The following SLC16A4 variants were observed in gnomAD, a reference collection of about 807,000 sequenced individuals.
SLC16A4 encodes probable monocarboxylate transporter 5.
A neutral mutation model predicts 47.9 loss-of-function variants in SLC16A4; 39 were observed. The observed-to-expected ratio is 0.81, with a 90% CI of 0.63 to 1.06. SLC16A4 has a LOEUF of 1.06. SLC16A4 is among the 50% of genes least tolerant of loss of function. SLC16A4 has a pLI of 0.00. For synonymous variants in SLC16A4, 189 were observed against 199.9 expected, an observed-to-expected ratio of 0.95 and a Z score of 0.46; for missense variants, 524 against 573.8, an observed-to-expected ratio of 0.91 and a Z score of 0.89.
intron 8 of SLC16A4, among the ~76,000 whole-genome samples, chr1:110,367,794 T>TG (rs1247125101): frequency 6.6e-6 from 1 of 152,120 alleles, no homozygotes; most frequent in Non-Finnish European, 1.5e-5. Flanking sequence ...TCTGTTCAGA[T>TG]GCACTTCGGA....
intron 4 of SLC16A4, 77 bp from the exon 5 acceptor site, chr1:110,381,220 C>T: frequency 7.2e-7 from 1 of 1,384,920 alleles, no homozygotes; most frequent in South Asian, 1.2e-5. Flanking sequence ...TCTCCTGGAT[C>T]CGAGATAATA....
intron 6 of SLC16A4, among the ~76,000 whole-genome samples, chr1:110,377,557 T>C (rs1662075781): frequency 6.6e-6 from 1 of 152,208 alleles, no homozygotes; most frequent in Admixed American, 6.5e-5. Flanking sequence ...GGTCAGTGTC[T>C]TGGGGAAGTC....
In SLC16A4 at chr1:110,376,981, C is replaced by A; in HGVS notation, c.1211G>T (p.Gly404Val). 6.2e-7 allele frequency: 1 copy of A among 1,613,990 alleles called. No homozygotes were observed. Among genetic ancestry groups the A allele is most frequent in the Non-Finnish European group, 8.5e-7 (1 of 1,179,946 alleles). The change falls in exon 7 of 9, where the codon GGT (glycine) becomes GTT (valine). Residue 404 changes from glycine to valine, a missense_variant. By Grantham distance (109) the Gly-to-Val change is moderately radical. Transcript: ENST00000369779. ...AGGCAGTATCAATGCCAGGTAACCA[C>A]CAGCAAAGATGGCAAAGCAGATGGT... ...TYTICFAIFA[G>V]GYLALILPVL... is the part of the protein sequence containing the mutation.
In SLC16A4 at chr1:110,389,237, C is replaced by A. The variant is rs1662895348; in HGVS notation, c.87G>T (p.Leu29=). 5.0e-6 allele frequency: 8 copies of A among 1,613,054 alleles called. No individual in the cohort carries two copies. Among genetic ancestry groups the A allele is most frequent in the Non-Finnish European group, 6.8e-6 (8 of 1,179,064 alleles). The change falls in exon 2 of 9, where the codon CTG becomes CTT. Residue 29 remains leucine (L), a splice_region_variant and synonymous_variant. Transcript: ENST00000369779. ...WGWMIVIHFF[L]VNVFVMGMTK... ...AAGGGGGAAAAAAGTGAATTCTTACCAGGAAAAAATGAATCACAATCATCC... is the reference window on the plus strand; with the variant it reads ...AAGGGGGAAAAAAGTGAATTCTTACAAGGAAAAAATGAATCACAATCATCC...
chr1:110,380,668 A>G (rs1662327485), intron 5 of SLC16A4, among the ~76,000 whole-genome samples: 1 of 151,982 alleles, frequency 6.6e-6, no homozygotes, highest in Non-Finnish European at 1.5e-5. Context: ...TTATTTCCCC[A>G]GAAGTATCGC....
At chr1:110,370,598 C>T (rs1374451653) in intron 8 of SLC16A4, 2 of 152,096 alleles carry the variant, frequency 1.3e-5, no homozygotes, top group Admixed American at 6.6e-5. Flanking sequence ...CCATAAAACA[C>T]AAATAGACTT....
rs1035126505 is a variant in SLC16A4 at position 110,363,700 on chromosome 1, G to T, written c.*66C>A. 9.6e-6 allele frequency: 13 copies of T among 1,348,166 alleles called. No individual in the cohort carries two copies. The highest frequency in any genetic ancestry group is 4.9e-5 in the South Asian group (3 of 61,120). 83.5% of individuals were successfully genotyped at this position (1,348,166 alleles called of 1,614,324 possible). A position where few individuals can be genotyped will look rare whatever the true frequency, so the allele number is the denominator to read the frequency against. ...TGCGATGTGTTTCTTTCAAGCTTTTGTTTCCAATGACATTAGTTTAGGTTT... is the reference window on the plus strand; with the variant it reads ...TGCGATGTGTTTCTTTCAAGCTTTTTTTTCCAATGACATTAGTTTAGGTTT... On this transcript the variant is annotated 3_prime_UTR_variant, in exon 9 of 9. Coordinates refer to ENST00000369779, the MANE Select transcript of SLC16A4 (RefSeq NM_004696.3).
intron 2 of SLC16A4, among the ~76,000 whole-genome samples, chr1:110,387,627 T>C (rs17025729): frequency 0.12 from 18,298 of 152,150 alleles, 1,567 homozygotes; most frequent in African/African-American, 0.23. Context: ...AGCAACTAAA[T>C]TGATCAAAAA....
At chr1:110,387,523 G>T (rs1204875024) in intron 2 of SLC16A4, among the ~76,000 whole-genome samples, 3 of 152,182 alleles carry the variant, frequency 2.0e-5, no homozygotes, top group African/African-American at 7.2e-5. Context: ...AACATTTTGA[G>T]GATCCAGTGC....
rs144211505 is a variant in SLC16A4 at position 110,382,879 on chromosome 1, T to A, written c.175A>T (p.Ile59Phe). 140 of 1,612,204 alleles carry A rather than the reference T, an allele frequency of 8.7e-5. No homozygotes were observed. Among genetic ancestry groups the A allele is most frequent in the Non-Finnish European group, 1.1e-4 (134 of 1,178,862 alleles). ...GACATGATGGATCCAATCCAACCAATTTGCTCTGAGGTGCCTTCAAACTCT... is the reference window on the plus strand; with the variant it reads ...GACATGATGGATCCAATCCAACCAAATTGCTCTGAGGTGCCTTCAAACTCT... ...QEEFEGTSEQ[I>F]GWIGSIMSSL... The change falls in exon 3 of 9, where the codon ATT (isoleucine) becomes TTT (phenylalanine). Residue 59 changes from isoleucine (I) to phenylalanine (F), a missense_variant. Transcript: ENST00000369779.
chr1:110,385,357 A>G (rs912956256), intron 2 of SLC16A4, among the ~76,000 whole-genome samples: 5 of 152,216 alleles, frequency 3.3e-5, no homozygotes, highest in African/African-American at 1.2e-4. Flanking sequence ...GTGAAGATTA[A>G]TTGAGAAAAT....
chr1:110,379,268 A>G lies in SLC16A4; in HGVS notation c.615T>C (p.Asn205=), dbSNP rs370258098. The G allele has an allele frequency of 2.5e-6, 4 of 1,614,030 alleles. No homozygotes were observed. The highest frequency in any genetic ancestry group is 3.4e-6 in the Non-Finnish European group (4 of 1,180,032). ...LRPIHIKSEN[N]SGIKDKGSSL... ...TGCTGCCTTTATCTTTAATACCAGA[A>G]TTGTTCTCACTTTTGATATGGATGG... Residue 205 remains asparagine (N), a synonymous_variant, in exon 6 of 9, where the codon AAT becomes AAC. Transcript: ENST00000369779.
rs764610380 is a variant in SLC16A4 at position 110,363,872 on chromosome 1, TG to T, written c.1357del (p.Gln453ArgfsTer34). Reference protein sequence around the residue: ...PIAGWLYDYTQTYNGSFYFSG... With the variant: ...PIAGWLYDYTXTYNGSFYFSG... The stretch of plus-strand genomic sequence containing the variant: ...GAAGTAGAAAGAGCCATTGTATGTC[TG>T]GGTATAATCATATAACCAGCCTGGA... On this transcript the variant is annotated frameshift_variant, in exon 9 of 9. Transcript: ENST00000369779. LOFTEE classifies it high-confidence loss of function. The T allele has an allele frequency of 1.4e-4, 233 of 1,612,508 alleles. 1 individual carries two copies. In the African/African-American group the frequency reaches 2.9e-3, roughly 20 times the overall value.
chr1:110,374,065 C>G (rs1008668882), intron 8 of SLC16A4, among the ~76,000 whole-genome samples: 1 of 137,738 alleles, frequency 7.3e-6, no homozygotes, highest in East Asian at 2.4e-4. Context: ...GATGAAGTCT[C>G]GCTCTGTTGC....
At chr1:110,373,719 C>T (rs963412460) in intron 8 of SLC16A4, among the ~76,000 whole-genome samples, 19 of 148,074 alleles carry the variant, frequency 1.3e-4, no homozygotes, top group Admixed American at 9.4e-4. Flanking sequence ...CACTCTGTCA[C>T]CCAGGCTAGA....
chr1:110,370,902 C>T (rs1338929395), intron 8 of SLC16A4: 1 of 152,162 alleles, frequency 6.6e-6, no homozygotes, highest in Non-Finnish European at 1.5e-5. Flanking sequence ...GTGGCTTAAT[C>T]AGGTGTTCAG....
chr1:110,381,050 G>C lies in SLC16A4; in HGVS notation c.458C>G (p.Ser153Cys). The C allele has an allele frequency of 6.2e-7, 1 of 1,614,058 alleles. No homozygotes were observed. The highest frequency in any genetic ancestry group is 8.5e-7 in the Non-Finnish European group (1 of 1,179,932). Residue 153 changes from serine (S) to cysteine (C), a missense_variant, in exon 5 of 9, where the codon TCT (serine) becomes TGT (cysteine). Coordinates refer to ENST00000369779, the MANE Select transcript of SLC16A4 (RefSeq NM_004696.3). ...CAAAAGAAAAGTCAGTCCCATCCCA[G>C]AACGGGCAATAGCTGTAGAAAGAGC... ...RLALSTAIAR[S>C]GMGLTFLLAP... is the part of the protein sequence containing the mutation.
At position 110,363,895 on chromosome 1, in the gene SLC16A4, TGGAA is replaced by T; in HGVS notation, c.1337-6_1337-3del. The T allele has an allele frequency of 6.3e-7, 1 of 1,597,000 alleles. No homozygotes were observed. The highest frequency in any genetic ancestry group is 1.4e-5 in the African/African-American group (1 of 74,000). ...TCTGGGTATAATCATATAACCAGCC[TGGAA>T]GGAAGGAATGATTTCTGTTAGGGAA... is the stretch of plus-strand genomic sequence containing the variant. On this transcript the variant is annotated splice_polypyrimidine_tract_variant and splice_region_variant and intron_variant, in intron 8 of 8. Transcript: ENST00000369779.
At chr1:110,383,805 G>GTTTGTTTTTT (rs1662569091) in intron 2 of SLC16A4, among the ~76,000 whole-genome samples, 1 of 65,740 alleles carries the variant, frequency 1.5e-5, no homozygotes, top group East Asian at 5.3e-4. Context: ...TTAAAAGGAG[G>GTTTGTTTTTT]TTTTTTTTTT....
Sources: gnomAD v4.1 joint callset for allele counts (sites outside exome capture counted in the v4.1 genomes callset) on GRCh38, gnomAD v4.1.1 for gene constraint, MANE v1.5 for transcripts, NCBI Gene and HGNC (gene_info 2026-07-23, HGNC 2026-07-21) for gene names.